NPHP1: variants seen among roughly 807,000 people sequenced by gnomAD.
The protein encoded by NPHP1 is nephrocystin 1, also known as nephrocystin-1.
Under a neutral mutation model 90.4 loss-of-function variants are expected in NPHP1, and 70 were observed. The ratio of observed to expected loss-of-function variants is 0.77; its 90% CI spans 0.64 to 0.95. The LOEUF (loss-of-function observed/expected upper bound fraction) is 0.95, where lower values mean the gene tolerates loss of function less well. NPHP1 is among the 40% of genes least tolerant of loss of function. The pLI, the probability that NPHP1 is intolerant of heterozygous loss-of-function variation, is 0.00. For missense variants in NPHP1, 764 were observed against 795.9 expected, an observed-to-expected ratio of 0.96 and a Z score of 0.48; for synonymous variants, 256 against 271.7, an observed-to-expected ratio of 0.94 and a Z score of 0.57.
chr2:110,187,456 G>A (rs1488648874), intron 2 of NPHP1, among the ~76,000 whole-genome samples: 1 of 152,070 alleles, frequency 6.6e-6, no homozygotes, highest in African/African-American at 2.4e-5. Context: ...ACCCTCCCAA[G>A]ACTGAACCAG....
Position 110,144,581 on chromosome 2 carries a change from T to C in NPHP1, c.1353-12A>G. ...AAAGCTCATAAGTTCTATAAAAGAA[T>C]AACATACAATGACAGATATAAGCTG... On this transcript the variant is annotated splice_polypyrimidine_tract_variant and intron_variant, in intron 14 of 19. Coordinates refer to ENST00000445609, the MANE Select transcript of NPHP1 (RefSeq NM_001128178.3). 1 of 1,486,004 alleles carries C rather than the reference T, an allele frequency of 6.7e-7. No homozygotes were observed. Among genetic ancestry groups the C allele is most frequent in the East Asian group, 2.3e-5 (1 of 44,162 alleles). 92.1% of individuals were successfully genotyped at this position (1,486,004 alleles called of 1,614,324 possible). A position where few individuals can be genotyped will look rare whatever the true frequency, so the allele number is the denominator to read the frequency against.
intron 2 of NPHP1, chr2:110,184,516 CG>C: frequency 8.5e-7 from 1 of 1,179,488 alleles, no homozygotes. Context: ...GGCAGGACCA[CG>C]GGGGTGGTGC....
At chr2:110,156,783 T>G (rs1179633038) in intron 11 of NPHP1, among the ~76,000 whole-genome samples, 1 of 150,458 alleles carries the variant, frequency 6.6e-6, no homozygotes, top group African/African-American at 2.4e-5. Flanking sequence ...GGTTTCTGTT[T>G]TTTTTTTTTT....
intron 4 of NPHP1, among the ~76,000 whole-genome samples, chr2:110,176,013 T>C (rs1276244172): frequency 1.3e-5 from 2 of 149,574 alleles, no homozygotes; most frequent in Admixed American, 1.4e-4. Flanking sequence ...ATTTCACATA[T>C]TGTATTTTTT....
chr2:110,125,711 T>A (rs1679307288), intron 18 of NPHP1, 30 bp from the exon 19 acceptor site: 3 of 1,596,446 alleles, frequency 1.9e-6, no homozygotes, highest in Non-Finnish European at 2.6e-6. Flanking sequence ...ATTATGTTAG[T>A]CCAAGTAGTA....
intron 1 of NPHP1, 37 bp downstream of exon 1, chr2:110,204,863 C>T: frequency 6.2e-7 from 1 of 1,608,048 alleles, no homozygotes; most frequent in Non-Finnish European, 8.5e-7. Flanking sequence ...GTCCGCCTGT[C>T]GCCCGCCCCA....
chr2:110,192,792 G>A (rs1405072678), intron 2 of NPHP1, among the ~76,000 whole-genome samples: 1 of 152,174 alleles, frequency 6.6e-6, no homozygotes, highest in African/African-American at 2.4e-5. Context: ...AAGCCCATCA[G>A]ACTAACAGCT....
intron 16 of NPHP1, 127 bp downstream of exon 16, chr2:110,143,415 A>T: frequency 2.8e-6 from 2 of 718,182 alleles, no homozygotes; most frequent in South Asian, 1.6e-5. Context: ...CCTTTGGGGG[A>T]AGAATTAAAG....
At chr2:110,142,156 C>T (rs959235941) in intron 16 of NPHP1, among the ~76,000 whole-genome samples, 1 of 151,804 alleles carries the variant, frequency 6.6e-6, no homozygotes, top group East Asian at 1.9e-4. Context: ...TTTATAATTG[C>T]CCAAACCTAG....
Position 110,170,018 on chromosome 2 carries a change from G to A in NPHP1, c.330-20C>T, listed in dbSNP as rs1296325944. ...CCAACTCTACAAAAAGTGTTTCTGAGTAGGACTACTTGAAATAATATACAA... is the reference window on the plus strand; with the variant it reads ...CCAACTCTACAAAAAGTGTTTCTGAATAGGACTACTTGAAATAATATACAA... On this transcript the variant is annotated intron_variant, in intron 4 of 19. Transcript: ENST00000445609. 6.2e-7 allele frequency: 1 copy of A among 1,612,788 alleles called. No individual in the cohort carries two copies. The highest frequency in any genetic ancestry group is 1.7e-5 in the Admixed American group (1 of 60,010).
chr2:110,137,614 A>G (rs911084804), intron 16 of NPHP1, among the ~76,000 whole-genome samples: 4 of 152,192 alleles, frequency 2.6e-5, no homozygotes, highest in Admixed American at 2.6e-4. Context: ...GCAAATCAAA[A>G]CCACAATGAG....
chr2:110,125,896 GCCCATGATAATTATAAATC>G lies in NPHP1; in HGVS notation c.1717-234_1717-216del, dbSNP rs1679326178. 3 of 582,366 alleles carry G rather than the reference GCCCATGATAATTATAAATC, an allele frequency of 5.2e-6. No homozygotes were observed. The South Asian group carries it at 6.1e-5, about 12-fold the overall frequency. 36.1% of individuals were successfully genotyped at this position (582,366 alleles called of 1,614,324 possible). On this transcript the variant is annotated intron_variant, in intron 18 of 19. Coordinates refer to ENST00000445609, the MANE Select transcript of NPHP1 (RefSeq NM_001128178.3). ...TGTATCTGTGAAAAATGCCGTAGAA[GCCCATGATAATTATAAATC>G]AAAACTAACTTAAGAATAGAATCAG... is the stretch of plus-strand genomic sequence containing the variant.
chr2:110,148,056 A>G (rs1395255058), intron 12 of NPHP1, 30 bp from the exon 13 acceptor site: 2 of 1,389,756 alleles, frequency 1.4e-6, no homozygotes, highest in Non-Finnish European at 2.0e-6. Flanking sequence ...AAAGTTATTG[A>G]TAAAAATAAA....
At chr2:110,146,888 T>A (rs1681094546) in intron 13 of NPHP1, 53 bp from the exon 14 acceptor site, 1 of 1,263,768 alleles carries the variant, frequency 7.9e-7, no homozygotes, top group Non-Finnish European at 1.2e-6. Flanking sequence ...GTCAAATTTA[T>A]AAGCACATAC....
chr2:110,147,848 A>G (rs1409425652), intron 13 of NPHP1, 68 bp downstream of exon 13: 1 of 910,630 alleles, frequency 1.1e-6, no homozygotes, highest in Non-Finnish European at 1.8e-6. Context: ...TTCCTTGTCA[A>G]TAGACACATT....
Position 110,146,951 on chromosome 2 carries a change from C to A in NPHP1, c.1270-116G>T, listed in dbSNP as rs1184990877. 6 of 743,732 alleles carry A rather than the reference C, an allele frequency of 8.1e-6. No individual in the cohort carries two copies. The East Asian group carries it at 1.3e-4, about 16-fold the overall frequency. 46.1% of individuals were successfully genotyped at this position (743,732 alleles called of 1,614,324 possible). On this transcript the variant is annotated intron_variant, in intron 13 of 19. Transcript: ENST00000445609. The stretch of plus-strand genomic sequence containing the variant: ...TATTCACCTTTAGAACTAAAAAGTT[C>A]TTCACAAGAAAATAAAATGAAACAC...
chr2:110,188,487 C>T (rs1055973253), intron 2 of NPHP1, among the ~76,000 whole-genome samples: 1 of 152,110 alleles, frequency 6.6e-6, no homozygotes, highest in African/African-American at 2.4e-5. Context: ...AGGATAACTA[C>T]AAACACTGCT....
chr2:110,129,239 G>C lies in NPHP1; in HGVS notation c.1663C>G (p.Leu555Val), dbSNP rs770266229. The change falls in exon 18 of 20, where the codon CTG (leucine) becomes GTG (valine). Residue 555 changes from leucine (L) to valine (V), a missense_variant. Leu to Val is a conservative substitution (Grantham distance 32). Coordinates refer to ENST00000445609, the MANE Select transcript of NPHP1 (RefSeq NM_001128178.3). ...TCCAAGAGCATGGGGAAGGTGGCCA[G>C]CATGGGATGGCTAATTAAATCTGAA... ...QSTDLISHPM[L>V]ATFPMLLEQP... The C allele has an allele frequency of 3.2e-5, 51 of 1,613,144 alleles. 1 individual carries two copies. The highest frequency in any genetic ancestry group is 4.2e-5 in the Non-Finnish European group (49 of 1,179,314).
intron 10 of NPHP1, 63 bp from the exon 11 acceptor site, chr2:110,160,318 T>C (rs1682217427): frequency 7.3e-7 from 1 of 1,364,928 alleles, no homozygotes; most frequent in Non-Finnish European, 1.0e-6. Context: ...ATCTGTCTTT[T>C]GTGAATTCGG....
Sources: gnomAD v4.1 joint callset for allele counts (sites outside exome capture counted in the v4.1 genomes callset) on GRCh38, gnomAD v4.1.1 for gene constraint, MANE v1.5 for transcripts, NCBI Gene and HGNC (gene_info 2026-07-23, HGNC 2026-07-21) for gene names.